CAPN13: variants seen among roughly 807,000 people sequenced by gnomAD.
The protein encoded by CAPN13 is calpain-13.
CAPN13 carries 90 observed loss-of-function variants against 98.4 expected under a neutral mutation model. The observed-to-expected ratio is 0.92, with a 90% CI of 0.77 to 1.09. The LOEUF is 1.09. CAPN13 is among the 50% of genes least tolerant of loss of function. CAPN13 has a pLI of 0.00. For synonymous variants in CAPN13, 330 were observed against 305.5 expected, an observed-to-expected ratio of 1.08 and a Z score of -0.84; for missense variants, 887 against 841.3, an observed-to-expected ratio of 1.05 and a Z score of -0.67.
chr2:30,786,830 C>T (rs72867186), intron 2 of CAPN13, among the ~76,000 whole-genome samples: 6,559 of 152,234 alleles, frequency 0.043, 453 homozygotes, highest in African/African-American at 0.15. Flanking sequence ...CTCCAAAGAG[C>T]AACAACTACA....
intron 1 of CAPN13, among the ~76,000 whole-genome samples, chr2:30,804,901 A>G (rs939840279): frequency 1.3e-5 from 2 of 152,242 alleles, no homozygotes; most frequent in African/African-American, 4.8e-5. Context: ...AGGCAGGAAC[A>G]TTAGTGCTGT....
At chr2:30,756,392 T>C (rs1672449959) in intron 8 of CAPN13, among the ~76,000 whole-genome samples, 1 of 152,164 alleles carries the variant, frequency 6.6e-6, no homozygotes, top group Non-Finnish European at 1.5e-5. Flanking sequence ...CAACTCAAGT[T>C]CAGTCCCATC....
At chr2:30,800,892 C>T (rs540842666) in intron 1 of CAPN13, among the ~76,000 whole-genome samples, 1 of 152,266 alleles carries the variant, frequency 6.6e-6, no homozygotes, top group South Asian at 2.1e-4. Context: ...TTTCTGGGAA[C>T]TAAAACTACA....
intron 1 of CAPN13, among the ~76,000 whole-genome samples, chr2:30,800,120 G>GAAAGAAAGAAAGAAAGAAAGAAAGAA (rs1558351330): frequency 2.4e-4 from 17 of 70,784 alleles, no homozygotes; most frequent in African/African-American, 9.2e-4. Flanking sequence ...AGAAAGAAAA[G>GAAAGAAAGAAAGAAAGAAAGAAAGAA]AAAGAAAGAA....
intron 6 of CAPN13, among the ~76,000 whole-genome samples, chr2:30,763,430 T>C (rs17010212): frequency 0.02 from 3,091 of 152,284 alleles, 114 homozygotes; most frequent in African/African-American, 0.07. Context: ...CAACCACATG[T>C]CATCAGTGAG....
chr2:30,783,418 C>G (rs1674094544), intron 2 of CAPN13, among the ~76,000 whole-genome samples: 2 of 152,184 alleles, frequency 1.3e-5, no homozygotes, highest in Admixed American at 1.3e-4. Context: ...CAGAATAAAG[C>G]AGGATGTGAA....
chr2:30,740,095 T>TGG (rs1558615095), intron 15 of CAPN13, among the ~76,000 whole-genome samples: 4 of 145,290 alleles, frequency 2.8e-5, no homozygotes, highest in African/African-American at 1.0e-4. Flanking sequence ...TTTTTTTTTT[T>TGG]TTTTTTTTTT....
At chr2:30,777,248 T>C (rs1023366851) in intron 3 of CAPN13, among the ~76,000 whole-genome samples, 1 of 152,248 alleles carries the variant, frequency 6.6e-6, no homozygotes, top group Non-Finnish European at 1.5e-5. Context: ...TTAACTCTGT[T>C]GCTAACTGAG....
intron 15 of CAPN13, among the ~76,000 whole-genome samples, chr2:30,738,781 T>C (rs1323568858): frequency 2.6e-5 from 4 of 152,208 alleles, no homozygotes; most frequent in African/African-American, 4.8e-5. Context: ...GGGTAAGTAC[T>C]GTTGAATGAA....
At chr2:30,734,291 G>GC (rs1365850838) in intron 19 of CAPN13, among the ~76,000 whole-genome samples, 158 bp downstream of exon 19, 1 of 152,104 alleles carries the variant, frequency 6.6e-6, no homozygotes, top group African/African-American at 2.4e-5. Flanking sequence ...AACCGTGGAG[G>GC]CCCCCCAGGG....
chr2:30,788,151 T>G (rs1674416050), intron 1 of CAPN13, among the ~76,000 whole-genome samples: 1 of 152,208 alleles, frequency 6.6e-6, no homozygotes, highest in African/African-American at 2.4e-5. Context: ...GTTTTGAAGT[T>G]TGCTTTCTGC....
chr2:30,760,401 C>A (rs755538531), intron 7 of CAPN13, among the ~76,000 whole-genome samples: 1 of 152,130 alleles, frequency 6.6e-6, no homozygotes, highest in Non-Finnish European at 1.5e-5. Flanking sequence ...AATGAGCCAC[C>A]GTCAGTGCCT....
chr2:30,758,146 A>G lies in CAPN13; in HGVS notation c.775-9T>C. On this transcript the variant is annotated splice_polypyrimidine_tract_variant and intron_variant, in intron 7 of 22. Coordinates refer to ENST00000295055, the MANE Select transcript of CAPN13 (RefSeq NM_144575.3). ...CCCCTTCGGTATTGAATCTGTAAAGAAAACAGAAAAGGAAACTCAGTGCTC... is the reference window on the plus strand; with the variant it reads ...CCCCTTCGGTATTGAATCTGTAAAGGAAACAGAAAAGGAAACTCAGTGCTC... 1 of 1,584,410 alleles carries G rather than the reference A, an allele frequency of 6.3e-7. No homozygotes were observed. Among genetic ancestry groups the G allele is most frequent in the Non-Finnish European group, 8.6e-7 (1 of 1,165,750 alleles).
At chr2:30,723,860 T>C (rs1331113099) in intron 22 of CAPN13, among the ~76,000 whole-genome samples, 1 of 151,916 alleles carries the variant, frequency 6.6e-6, no homozygotes, top group Non-Finnish European at 1.5e-5. Flanking sequence ...TATTTTTTTT[T>C]CCATGAAAAC....
intron 1 of CAPN13, among the ~76,000 whole-genome samples, chr2:30,796,215 C>CAT (rs1368929376): frequency 2.1e-5 from 2 of 95,990 alleles, no homozygotes; most frequent in Non-Finnish European, 4.3e-5. Flanking sequence ...TATATATACA[C>CAT]ATATATATGT....
At chr2:30,726,027 C>T (rs956811113) in intron 22 of CAPN13, among the ~76,000 whole-genome samples, 2 of 152,062 alleles carry the variant, frequency 1.3e-5, no homozygotes, top group African/African-American at 2.4e-5. Context: ...GAGAACAAAA[C>T]AAAGGAAGGT....
At chr2:30,748,181 T>G (rs1211050323) in intron 11 of CAPN13, among the ~76,000 whole-genome samples, 1 of 152,192 alleles carries the variant, frequency 6.6e-6, no homozygotes, top group Non-Finnish European at 1.5e-5. Context: ...CTTTGGTGCT[T>G]GACCTGGTCA....
chr2:30,805,024 T>C (rs977556243), intron 1 of CAPN13, among the ~76,000 whole-genome samples: 3 of 152,212 alleles, frequency 2.0e-5, no homozygotes, highest in African/African-American at 2.4e-5. Context: ...GTCCCTTTTT[T>C]ACTCCAGCCA....
At chr2:30,751,370 A>C in intron 10 of CAPN13, 119 bp from the exon 11 acceptor site, 1 of 1,070,176 alleles carries the variant, frequency 9.3e-7, no homozygotes, top group Non-Finnish European at 1.3e-6. Context: ...TGGAGACCTA[A>C]GGCCTGGATC....
Sources: gnomAD v4.1 joint callset for allele counts (sites outside exome capture counted in the v4.1 genomes callset) on GRCh38, gnomAD v4.1.1 for gene constraint, MANE v1.5 for transcripts, NCBI Gene and HGNC (gene_info 2026-07-23, HGNC 2026-07-21) for gene names.